The following KLHL1 variants were observed in gnomAD, a reference collection of about 807,000 sequenced individuals.
KLHL1 encodes kelch like family member 1.
In KLHL1, 47 loss-of-function variants were observed where a neutral mutation model predicts 77.7. The ratio of observed to expected loss-of-function variants is 0.60; its 90% confidence interval spans 0.48 to 0.77. The LOEUF is 0.77. Ranked by LOEUF, KLHL1 falls within the 30% of genes least tolerant of loss-of-function variation. The pLI, the probability that KLHL1 is intolerant of heterozygous loss-of-function variation, is 0.00. For synonymous variants in KLHL1, 360 were observed against 325.2 expected (o/e 1.11, Z -1.15); for missense variants, 925 against 910.8 (o/e 1.02, Z -0.20).
chr13:69,712,525 T>C (rs1266689281), intron 9 of KLHL1, among the ~76,000 whole-genome samples: 2 of 152,084 alleles, frequency 1.3e-5, no homozygotes, highest in Non-Finnish European at 2.9e-5. Flanking sequence ...CACAAATCTA[T>C]TCCATTTGTC....
chr13:69,976,624 T>G (rs1028093166), intron 1 of KLHL1, among the ~76,000 whole-genome samples: 4 of 151,994 alleles, frequency 2.6e-5, no homozygotes, highest in African/African-American at 4.8e-5. Context: ...TAACCTAAAA[T>G]TAAATATTAA....
intron 1 of KLHL1, among the ~76,000 whole-genome samples, chr13:70,003,660 T>C (rs1173808447): frequency 2.0e-5 from 3 of 151,826 alleles, no homozygotes; most frequent in African/African-American, 7.2e-5. Flanking sequence ...TTTTATTATA[T>C]TTGTTTATTT....
chr13:70,070,963 G>C (rs1887124421), intron 1 of KLHL1, among the ~76,000 whole-genome samples: 1 of 151,686 alleles, frequency 6.6e-6, no homozygotes, highest in Admixed American at 6.6e-5. Context: ...AAAAATATCA[G>C]TTAAAATAAA....
chr13:69,916,411 T>TA (rs1279216465), intron 4 of KLHL1, among the ~76,000 whole-genome samples: 1 of 151,910 alleles, frequency 6.6e-6, no homozygotes, highest in Non-Finnish European at 1.5e-5. Flanking sequence ...TATGCAGCCA[T>TA]AAAAAATGAT....
intron 5 of KLHL1, among the ~76,000 whole-genome samples, chr13:69,845,910 A>G (rs951148948): frequency 1.3e-5 from 2 of 151,486 alleles, no homozygotes; most frequent in African/African-American, 4.8e-5. Context: ...TAGATCTTAA[A>G]AAGTCAATAT....
At chr13:69,740,314 T>C in intron 8 of KLHL1, 80 bp downstream of exon 8, 1 of 972,898 alleles carries the variant, frequency 1.0e-6, no homozygotes, top group Non-Finnish European at 1.5e-6. Context: ...TTTACCAGCT[T>C]ATTAAAACTT....
chr13:69,795,984 A>G (rs149143295), intron 7 of KLHL1, among the ~76,000 whole-genome samples: 102 of 152,296 alleles, frequency 6.7e-4, no homozygotes, highest in Non-Finnish European at 1.3e-3. Context: ...CTCAACCCAC[A>G]TTAACTATTT....
chr13:69,782,119 T>C lies in KLHL1; in HGVS notation c.1639+14619A>G, dbSNP rs529485748. Among the ~76,000 whole-genome samples, 160 of 152,212 alleles carry C rather than the reference T, an allele frequency of 1.1e-3. No individual in the cohort carries two copies. The Middle Eastern group carries it at 0.02, about 19-fold the overall frequency. ...CAAATAAATTTGTGTTCTTTTTCTGTTTTAAGCTCTCTCTTGGAAGATGAA... is the reference window on the plus strand; with the variant it reads ...CAAATAAATTTGTGTTCTTTTTCTGCTTTAAGCTCTCTCTTGGAAGATGAA... On this transcript the variant is annotated intron_variant, in intron 7 of 10. Coordinates refer to ENST00000377844, the MANE Select transcript of KLHL1 (RefSeq NM_020866.3).
At chr13:69,785,676 A>T (rs554422594) in intron 7 of KLHL1, among the ~76,000 whole-genome samples, 18 of 151,010 alleles carry the variant, frequency 1.2e-4, no homozygotes, top group African/African-American at 4.4e-4. Flanking sequence ...ACTGAAGGAA[A>T]TAGAGACACA....
chr13:69,908,178 A>G (rs374033723), intron 4 of KLHL1, among the ~76,000 whole-genome samples: 77 of 152,056 alleles, frequency 5.1e-4, no homozygotes, highest in Middle Eastern at 3.4e-3. Flanking sequence ...CTATGGGTAT[A>G]CCAGCAGAGT....
At chr13:69,952,491 C>T (rs1318745198) in intron 3 of KLHL1, among the ~76,000 whole-genome samples, 1 of 151,370 alleles carries the variant, frequency 6.6e-6, no homozygotes, top group Non-Finnish European at 1.5e-5. Context: ...AGGACAGGTT[C>T]ATCAGACTCA....
chr13:70,056,915 TGAG>T (rs1010702083), intron 1 of KLHL1, among the ~76,000 whole-genome samples: 19 of 151,468 alleles, frequency 1.3e-4, no homozygotes, highest in African/African-American at 3.6e-4. Context: ...AACTAGAAAA[TGAG>T]GAGCAAACCA....
chr13:69,721,074 T>TATATATATATATAC (rs1375896486), intron 8 of KLHL1, among the ~76,000 whole-genome samples: 1 of 60,744 alleles, frequency 1.6e-5, no homozygotes, highest in Admixed American at 1.7e-4. Flanking sequence ...TATATATATA[T>TATATATATATATAC]ATATAAAGCT....
At chr13:70,045,264 A>C (rs1316005593) in intron 1 of KLHL1, among the ~76,000 whole-genome samples, 4 of 152,180 alleles carry the variant, frequency 2.6e-5, no homozygotes, top group African/African-American at 9.6e-5. Flanking sequence ...AATCCAATAC[A>C]TTAAGCACAA....
intron 1 of KLHL1, among the ~76,000 whole-genome samples, chr13:70,007,343 C>T (rs941608194): frequency 6.6e-6 from 1 of 151,736 alleles, no homozygotes. Context: ...CCAGCAATTG[C>T]TCATACACAC....
At chr13:69,756,557 T>C (rs1874751290) in intron 7 of KLHL1, among the ~76,000 whole-genome samples, 1 of 152,128 alleles carries the variant, frequency 6.6e-6, no homozygotes, top group Non-Finnish European at 1.5e-5. Context: ...TAATAATCAC[T>C]AAATTCAGAA....
rs139718548 is a variant in KLHL1, at chr13:69,750,690, T to G, written c.1640-10134A>C. Among the ~76,000 whole-genome samples the G allele has an allele frequency of 3.9e-3, 601 of 152,160 alleles. 3 individuals carry two copies. The highest frequency in any genetic ancestry group is 0.013 in the African/African-American group (554 of 41,568). The stretch of plus-strand genomic sequence containing the variant: ...TATTTTAAAATGCTGATCATGGGCC[T>G]AACACAATGTAGTGTTTTGTATAAA... On this transcript the variant is annotated intron_variant, in intron 7 of 10. Coordinates refer to ENST00000377844, the MANE Select transcript of KLHL1 (RefSeq NM_020866.3).
At chr13:70,019,219 G>T (rs946532844) in intron 1 of KLHL1, among the ~76,000 whole-genome samples, 2 of 152,140 alleles carry the variant, frequency 1.3e-5, no homozygotes, top group Non-Finnish European at 2.9e-5. Context: ...AGAAGTGTTT[G>T]CAAGTCCAAA....
intron 6 of KLHL1, among the ~76,000 whole-genome samples, chr13:69,835,372 AG>A (rs1878945081): frequency 6.6e-6 from 1 of 152,160 alleles, no homozygotes; most frequent in African/African-American, 2.4e-5. Context: ...AAATAGCTGA[AG>A]GAACAGTGAG....
Sources: gnomAD v4.1 joint callset for allele counts (sites outside exome capture counted in the v4.1 genomes callset) on GRCh38, gnomAD v4.1.1 for gene constraint, MANE v1.5 for transcripts, NCBI Gene and HGNC (gene_info 2026-07-23, HGNC 2026-07-21) for gene names.